Variants in LMBRD1 observed in about 807,000 individuals in gnomAD.
LMBRD1 encodes lysosomal cobalamin transport escort protein LMBD1.
LMBRD1 carries 64 observed loss-of-function variants against 74.8 expected under a neutral mutation model. The observed-to-expected ratio is 0.86, with a 90% CI of 0.70 to 1.05. The LOEUF is 1.05. Among genes scored for constraint, LMBRD1 ranks in the 50% least tolerant of loss-of-function variants. LMBRD1 has a pLI of 0.00. For missense variants in LMBRD1, 652 were observed against 645.9 expected (o/e 1.01, Z -0.10); for synonymous variants, 204 against 216.3 (o/e 0.94, Z 0.50).
chr6:69,677,618 T>A (rs377011496), intron 14 of LMBRD1, among the ~76,000 whole-genome samples: 7 of 152,274 alleles, frequency 4.6e-5, no homozygotes, highest in African/African-American at 1.7e-4. Flanking sequence ...GTGTGTGCTA[T>A]CATTTTCTTA....
intron 5 of LMBRD1, among the ~76,000 whole-genome samples, chr6:69,747,095 C>G (rs1265564949): frequency 4.0e-5 from 6 of 151,830 alleles, no homozygotes. Context: ...TATGTTGAAG[C>G]CCTAACCCCC....
chr6:69,687,976 G>A (rs1004771476), intron 14 of LMBRD1, among the ~76,000 whole-genome samples: 2 of 152,084 alleles, frequency 1.3e-5, no homozygotes, highest in African/African-American at 4.8e-5. Flanking sequence ...TATGGGGTAG[G>A]AAGTGTGAAG....
At chr6:69,775,202 T>C (rs1156746397) in intron 3 of LMBRD1, among the ~76,000 whole-genome samples, 1 of 152,138 alleles carries the variant, frequency 6.6e-6, no homozygotes, top group Non-Finnish European at 1.5e-5. Context: ...TACCCTCTCA[T>C]ACTTCAACAA....
intron 1 of LMBRD1, among the ~76,000 whole-genome samples, chr6:69,792,128 A>C (rs1766101425): frequency 6.6e-6 from 1 of 152,242 alleles, no homozygotes; most frequent in Non-Finnish European, 1.5e-5. Context: ...AAAGAAACCC[A>C]TAAAGGTAGA....
intron 5 of LMBRD1, chr6:69,746,246 T>G (rs542018457): frequency 6.5e-6 from 1 of 154,056 alleles, no homozygotes; most frequent in African/African-American, 2.4e-5. Flanking sequence ...CCCATTCTGC[T>G]GATACCCCCA....
intron 3 of LMBRD1, among the ~76,000 whole-genome samples, chr6:69,774,487 C>T (rs142428373): frequency 2.6e-5 from 4 of 152,244 alleles, no homozygotes; most frequent in Admixed American, 6.5e-5. Context: ...CATTTACCCC[C>T]GCCTTTCATT....
intron 3 of LMBRD1, among the ~76,000 whole-genome samples, chr6:69,779,883 G>A (rs534587284): frequency 3.3e-5 from 5 of 152,276 alleles, no homozygotes; most frequent in South Asian, 2.1e-4. Context: ...AGAGGAAAAC[G>A]GTCCTTAGGA....
intron 3 of LMBRD1, among the ~76,000 whole-genome samples, chr6:69,764,676 T>G (rs571832410): frequency 3.5e-4 from 54 of 152,308 alleles, no homozygotes; most frequent in African/African-American, 1.2e-3. Flanking sequence ...AATTGAATGG[T>G]TTTATTAATG....
chr6:69,753,798 G>A (rs1007206715), intron 3 of LMBRD1, among the ~76,000 whole-genome samples: 2 of 152,102 alleles, frequency 1.3e-5, no homozygotes, highest in African/African-American at 2.4e-5. Flanking sequence ...AAAATTAGCT[G>A]GGCGTGGTCG....
At chr6:69,682,616 C>T (rs1765687346) in intron 14 of LMBRD1, among the ~76,000 whole-genome samples, 1 of 151,924 alleles carries the variant, frequency 6.6e-6, no homozygotes, top group African/African-American at 2.4e-5. Context: ...TATAAGTGAA[C>T]TCTAAATTAC....
At chr6:69,735,055 T>C (rs1766945014) in intron 7 of LMBRD1, among the ~76,000 whole-genome samples, 1 of 152,256 alleles carries the variant, frequency 6.6e-6, no homozygotes, top group Non-Finnish European at 1.5e-5. Context: ...GCAATTATTG[T>C]TATGCACTTG....
At chr6:69,682,082 T>C (rs928540965) in intron 14 of LMBRD1, among the ~76,000 whole-genome samples, 1 of 151,786 alleles carries the variant, frequency 6.6e-6, no homozygotes, top group Non-Finnish European at 1.5e-5. Flanking sequence ...ATGGAATACA[T>C]ACACGTAAAA....
In LMBRD1 at chr6:69,749,397, C is replaced by T. The variant is rs934259733; in HGVS notation, c.417G>A (p.Thr139=). ...DDTSKCTQIK[T]ALKYTLGFVV... is the part of the protein sequence containing the mutation. ...CAAATCCCAAAGTATACTTGAGTGC[C>T]GTTTTAATTTGCTAGATGCCAAGGA... Residue 139 remains threonine, a synonymous_variant, in exon 5 of 16, where the codon ACG becomes ACA. Transcript: ENST00000649934. The T allele has an allele frequency of 8.6e-5, 139 of 1,610,992 alleles. 1 individual carries two copies. The highest frequency in any genetic ancestry group is 1.1e-4 in the Non-Finnish European group (127 of 1,178,424).
At chr6:69,708,549 A>G (rs149322851) in intron 9 of LMBRD1, among the ~76,000 whole-genome samples, 2 of 152,232 alleles carry the variant, frequency 1.3e-5, no homozygotes, top group African/African-American at 4.8e-5. Context: ...AAGGACTCAA[A>G]CCCAGGATTA....
At chr6:69,737,521 T>C (rs776304784) in intron 7 of LMBRD1, among the ~76,000 whole-genome samples, 14 of 151,586 alleles carry the variant, frequency 9.2e-5, no homozygotes, top group African/African-American at 1.5e-4. Context: ...GTAATAGATA[T>C]GGTCTATGGT....
chr6:69,698,281 T>C (rs1766049174), intron 13 of LMBRD1, among the ~76,000 whole-genome samples: 1 of 151,976 alleles, frequency 6.6e-6, no homozygotes, highest in Admixed American at 6.6e-5. Context: ...TTTTTCTTTC[T>C]AATTGCATGT....
intron 3 of LMBRD1, 42 bp from the exon 4 acceptor site, chr6:69,752,398 T>G (rs771452704): frequency 6.8e-7 from 1 of 1,477,328 alleles, no homozygotes. Flanking sequence ...TAAATACATA[T>G]GTACTTAATC....
rs1317204222 is a variant in LMBRD1, at chr6:69,728,136, G to T, written c.637-9055C>A. Among the ~76,000 whole-genome samples the T allele has an allele frequency of 2.6e-5, 4 of 152,290 alleles. No individual in the cohort carries two copies. The East Asian group carries it at 7.7e-4, about 29-fold the overall frequency. On this transcript the variant is annotated intron_variant, in intron 7 of 15. Transcript: ENST00000649934. ...TATAATTGTCGCAGAAGGCAAGGGG[G>T]AAGCCAGCACGTTATATGTTGCTGG...
At chr6:69,693,740 AG>A (rs1765936856) in intron 14 of LMBRD1, among the ~76,000 whole-genome samples, 4 of 151,874 alleles carry the variant, frequency 2.6e-5, no homozygotes, top group Non-Finnish European at 5.9e-5. Flanking sequence ...TCCTAAGGGT[AG>A]GGATGGGGTG....
Sources: gnomAD v4.1 joint callset for allele counts (sites outside exome capture counted in the v4.1 genomes callset) on GRCh38, gnomAD v4.1.1 for gene constraint, MANE v1.5 for transcripts, NCBI Gene and HGNC (gene_info 2026-07-23, HGNC 2026-07-21) for gene names.